Variants in PPP3R1 observed in about 807,000 individuals in gnomAD.
PPP3R1 encodes protein phosphatase 3 regulatory subunit B, alpha, also known as calcineurin subunit B type 1.
Under a neutral mutation model 22.6 loss-of-function variants are expected in PPP3R1, and 5 were observed. The observed-to-expected ratio is 0.22, with a 90% CI of 0.12 to 0.46. The LOEUF (loss-of-function observed/expected upper bound fraction) is 0.46. PPP3R1 is among the 20% of genes least tolerant of loss of function. PPP3R1 has a pLI of 0.99. For missense variants in PPP3R1, 61 were observed against 203.2 expected, an observed-to-expected ratio of 0.30 and a Z score of 4.25; for synonymous variants, 56 against 65.2, an observed-to-expected ratio of 0.86 and a Z score of 0.68.
chr2:68,228,281 T>C (rs1014589697), intron 1 of PPP3R1, among the ~76,000 whole-genome samples: 1 of 152,098 alleles, frequency 6.6e-6, no homozygotes, highest in Non-Finnish European at 1.5e-5. Context: ...ATATTAACTC[T>C]ATTTGTTAAT....
At chr2:68,232,251 GTGTGTGTGTGTGTGTATATATA>G (rs1669929751) in intron 1 of PPP3R1, among the ~76,000 whole-genome samples, 1 of 77,526 alleles carries the variant, frequency 1.3e-5, no homozygotes, top group African/African-American at 5.9e-5. Context: ...GTGTGTGTGT[GTGTGTGTGTGTGTGTATATATA>G]TATACACACA....
chr2:68,246,348 C>T (rs1241767185), intron 1 of PPP3R1, among the ~76,000 whole-genome samples: 4 of 151,956 alleles, frequency 2.6e-5, no homozygotes, highest in Non-Finnish European at 1.5e-5. Context: ...GCTGGGATTA[C>T]AGGAGTGAGC....
At chr2:68,187,359 T>G (rs749211834) in intron 3 of PPP3R1, 45 bp from the exon 4 acceptor site, 1 of 1,496,948 alleles carries the variant, frequency 6.7e-7, no homozygotes. Context: ...CTTCCAATTT[T>G]TTACACAAAA....
In PPP3R1 at chr2:68,252,381, A is replaced by T; in HGVS notation, c.-254T>A. On this transcript the variant is annotated 5_prime_UTR_variant, in exon 1 of 6. Coordinates refer to ENST00000234310, the MANE Select transcript of PPP3R1 (RefSeq NM_000945.4). ...CAGAGCCGGAGAGCGCGGGAGGAGCAGCGGCGAGAGGCAGGAGAGGCAGAG... is the reference window on the plus strand; with the variant it reads ...CAGAGCCGGAGAGCGCGGGAGGAGCTGCGGCGAGAGGCAGGAGAGGCAGAG... 1.0e-6 allele frequency: 1 copy of T among 1,003,878 alleles called. No individual in the cohort carries two copies. The highest frequency in any genetic ancestry group is 1.2e-6 in the Non-Finnish European group (1 of 843,330). The allele number at this position is 1,003,878 out of a possible 1,614,324, so 62.2% of individuals were successfully genotyped here. A position where few individuals can be genotyped will look rare whatever the true frequency, so the allele number is the denominator to read the frequency against.
intron 1 of PPP3R1, among the ~76,000 whole-genome samples, chr2:68,221,303 C>A (rs1456938285): frequency 6.7e-6 from 1 of 150,330 alleles, no homozygotes; most frequent in Non-Finnish European, 1.5e-5. Context: ...GCACTCCAGC[C>A]TGGGCAACAG....
intron 1 of PPP3R1, among the ~76,000 whole-genome samples, chr2:68,251,684 A>G (rs1463602151): frequency 6.6e-6 from 1 of 152,184 alleles, no homozygotes; most frequent in East Asian, 1.9e-4. Flanking sequence ...CATTTGCCAC[A>G]TATTGTTATT....
chr2:68,232,441 CA>C (rs1280378712), intron 1 of PPP3R1, among the ~76,000 whole-genome samples: 114 of 129,546 alleles, frequency 8.8e-4, no homozygotes, highest in Admixed American at 1.0e-3. Context: ...ACTCTTGTCT[CA>C]AAAAAAAAAA....
At chr2:68,204,127 G>A (rs7577586) in intron 2 of PPP3R1, among the ~76,000 whole-genome samples, 113,238 of 151,938 alleles carry the variant, frequency 0.75, 43,255 homozygotes, top group African/African-American at 0.93. Context: ...ATCTAAGGTA[G>A]TATCTTGCAC....
At chr2:68,219,427 C>T (rs1322439170) in intron 1 of PPP3R1, among the ~76,000 whole-genome samples, 1 of 152,162 alleles carries the variant, frequency 6.6e-6, no homozygotes, top group Non-Finnish European at 1.5e-5. Context: ...CCTTTATACT[C>T]CTCTCCACAC....
chr2:68,208,943 T>A (rs915356514), intron 2 of PPP3R1, among the ~76,000 whole-genome samples: 8 of 149,300 alleles, frequency 5.4e-5, no homozygotes, highest in South Asian at 2.1e-4. Flanking sequence ...TTTTTTAATT[T>A]AAAAAAAATC....
At chr2:68,197,933 G>C (rs1485097037) in intron 2 of PPP3R1, among the ~76,000 whole-genome samples, 1 of 150,880 alleles carries the variant, frequency 6.6e-6, no homozygotes, top group Non-Finnish European at 1.5e-5. Context: ...ATTGTTTTAT[G>C]TTTAAATCTA....
Position 68,182,075 on chromosome 2 carries a change from CCCCCT to C in PPP3R1, c.466-1070_466-1066del, listed in dbSNP as rs201129628. 3.1e-3 allele frequency among the ~76,000 whole-genome samples: 163 copies of C among 53,022 alleles called. 5 individuals carry two copies. In the Middle Eastern group the frequency reaches 0.051, roughly 17 times the overall value. The allele number at this position is 53,022 out of a possible 152,430, so 34.8% of individuals were successfully genotyped here. ...CCAGACATCTCCCCTCCTCCAACCC[CCCCCT>C]CCCCCCACCACACACACACGACCAG... is the stretch of plus-strand genomic sequence containing the variant. On this transcript the variant is annotated intron_variant, in intron 5 of 5. Coordinates refer to ENST00000234310, the MANE Select transcript of PPP3R1 (RefSeq NM_000945.4).
chr2:68,217,748 C>T (rs190037255), intron 1 of PPP3R1, among the ~76,000 whole-genome samples: 68 of 152,118 alleles, frequency 4.5e-4, no homozygotes, highest in African/African-American at 1.6e-3. Flanking sequence ...TAGACCCTAA[C>T]TTAACATAAT....
At chr2:68,188,757 G>A in intron 2 of PPP3R1, 67 bp from the exon 3 acceptor site, 2 of 1,392,778 alleles carry the variant, frequency 1.4e-6, no homozygotes, top group Non-Finnish European at 9.5e-7. Flanking sequence ...CTAATGGGCA[G>A]TAGCAAGATT....
In PPP3R1 at chr2:68,198,090, GCATATATATGTAAA is replaced by G. The variant is rs1462187707; in HGVS notation, c.44-9414_44-9401del. Among the ~76,000 whole-genome samples the G allele has an allele frequency of 2.0e-3, 61 of 30,018 alleles. 1 individual carries two copies. Among genetic ancestry groups the G allele is most frequent in the South Asian group, 3.5e-3 (3 of 858 alleles). The allele number at this position is 30,018 out of a possible 152,430, so 19.7% of individuals were successfully genotyped here. ...AAAAAAAAAAAAAAAAAAAAAAAAAGCATATATATGTAAACATATATATGTAAATATATATGTAA... is the reference window on the plus strand; with the variant it reads ...AAAAAAAAAAAAAAAAAAAAAAAAAGCATATATATGTAAATATATATGTAA... On this transcript the variant is annotated intron_variant, in intron 2 of 5. Coordinates refer to ENST00000234310, the MANE Select transcript of PPP3R1 (RefSeq NM_000945.4).
intron 1 of PPP3R1, among the ~76,000 whole-genome samples, chr2:68,244,653 T>C (rs1276817547): frequency 6.6e-6 from 1 of 152,194 alleles, no homozygotes; most frequent in African/African-American, 2.4e-5. Flanking sequence ...TCTCCTGGCT[T>C]TTCTAATTCT....
chr2:68,208,816 G>A (rs1669389520), intron 2 of PPP3R1, among the ~76,000 whole-genome samples: 1 of 151,870 alleles, frequency 6.6e-6, no homozygotes, highest in Admixed American at 6.6e-5. Flanking sequence ...CCAGCTTCTT[G>A]GGAGACTGAG....
chr2:68,187,375 A>G (rs1674568025), intron 3 of PPP3R1, 61 bp from the exon 4 acceptor site: 1 of 1,362,562 alleles, frequency 7.3e-7, no homozygotes, highest in African/African-American at 1.4e-5. Flanking sequence ...CAAAAAACAT[A>G]TTTACCTTAC....
chr2:68,190,618 T>G (rs1053851391), intron 2 of PPP3R1, among the ~76,000 whole-genome samples: 1 of 152,002 alleles, frequency 6.6e-6, no homozygotes, highest in African/African-American at 2.4e-5. Flanking sequence ...AAGAAAACAA[T>G]AGTGAAGAGG....
Sources: gnomAD v4.1 joint callset for allele counts (sites outside exome capture counted in the v4.1 genomes callset) on GRCh38, gnomAD v4.1.1 for gene constraint, MANE v1.5 for transcripts, NCBI Gene and HGNC (gene_info 2026-07-23, HGNC 2026-07-21) for gene names.